TFPI: variants seen among roughly 807,000 people sequenced by gnomAD.
TFPI encodes anti-convertin.
TFPI carries 15 observed loss-of-function variants against 34.6 expected under a neutral mutation model. The ratio of observed to expected loss-of-function variants is 0.43; its 90% CI spans 0.29 to 0.67. The LOEUF (loss-of-function observed/expected upper bound fraction) is 0.67. Ranked by LOEUF, TFPI falls within the 30% of genes least tolerant of loss-of-function variation. The pLI is 0.15. For missense variants in TFPI, 301 were observed against 364.0 expected (o/e 0.83, Z 1.41); for synonymous variants, 105 against 120.1 (o/e 0.87, Z 0.82).
At chr2:187,489,993 C>T (rs1685003605) in intron 3 of TFPI, among the ~76,000 whole-genome samples, 3 of 151,534 alleles carry the variant, frequency 2.0e-5, no homozygotes, top group Admixed American at 2.0e-4. Context: ...AGACTAATTT[C>T]CATTCTAGTA....
chr2:187,474,754 T>G (rs1444836466), intron 6 of TFPI, among the ~76,000 whole-genome samples: 1 of 152,202 alleles, frequency 6.6e-6, no homozygotes, highest in African/African-American at 2.4e-5. Flanking sequence ...TCTAACATGT[T>G]ATGAAACATT....
chr2:187,494,911 C>T (rs538787797), intron 3 of TFPI, among the ~76,000 whole-genome samples: 7 of 152,070 alleles, frequency 4.6e-5, no homozygotes, highest in East Asian at 3.9e-4. Context: ...TTAGTAGGGA[C>T]GGAGTTTCAC....
At chr2:187,469,265 A>G (rs1691894369) in intron 6 of TFPI, among the ~76,000 whole-genome samples, 1 of 152,126 alleles carries the variant, frequency 6.6e-6, no homozygotes. Context: ...GAGACAGGTG[A>G]TATTTTTGTG....
At chr2:187,519,649 T>A (rs1687242214) in intron 1 of TFPI, 2 of 151,826 alleles carry the variant, frequency 1.3e-5, no homozygotes, top group Middle Eastern at 3.4e-3. Flanking sequence ...GGAGGCAGTC[T>A]GTCTCTTACC....
chr2:187,549,223 A>G (rs1490968028), intron 1 of TFPI, among the ~76,000 whole-genome samples: 1 of 152,100 alleles, frequency 6.6e-6, no homozygotes, highest in African/African-American at 2.4e-5. Context: ...GTTTGCCTCA[A>G]GTGGTGTAAA....
At chr2:187,526,418 C>T (rs1190426857) in intron 1 of TFPI, among the ~76,000 whole-genome samples, 3 of 151,446 alleles carry the variant, frequency 2.0e-5, no homozygotes, top group East Asian at 1.9e-4. Flanking sequence ...GAAAAAACCT[C>T]GAAAGGAATA....
chr2:187,526,663 A>T (rs1221838715), intron 1 of TFPI, among the ~76,000 whole-genome samples: 1 of 152,138 alleles, frequency 6.6e-6, no homozygotes, highest in Non-Finnish European at 1.5e-5. Context: ...TATGGTGCTA[A>T]CATGTATACT....
chr2:187,531,940 A>T (rs981929890), intron 1 of TFPI, among the ~76,000 whole-genome samples: 3 of 152,010 alleles, frequency 2.0e-5, no homozygotes, highest in African/African-American at 7.2e-5. Flanking sequence ...TTTTTTCAAA[A>T]TTGGAGGATT....
intron 1 of TFPI, among the ~76,000 whole-genome samples, chr2:187,533,944 A>G (rs992301272): frequency 1.3e-5 from 2 of 152,224 alleles, no homozygotes; most frequent in African/African-American, 2.4e-5. Context: ...AGCTGAATCA[A>G]TCTAGTGGAA....
At chr2:187,498,971 T>C (rs72904399) in intron 2 of TFPI, among the ~76,000 whole-genome samples, 18 of 152,146 alleles carry the variant, frequency 1.2e-4, no homozygotes, top group Non-Finnish European at 1.9e-4. Flanking sequence ...CAAAATATAA[T>C]GTTTGTGTTT....
At chr2:187,498,500 C>G (rs1559120747) in intron 2 of TFPI, among the ~76,000 whole-genome samples, 2 of 151,552 alleles carry the variant, frequency 1.3e-5, no homozygotes, top group South Asian at 4.2e-4. Context: ...TTGTAAGTAG[C>G]CTTTACAATC....
chr2:187,491,649 T>C (rs1288911589), intron 3 of TFPI, among the ~76,000 whole-genome samples: 1 of 152,186 alleles, frequency 6.6e-6, no homozygotes. Context: ...CTGTAAATAG[T>C]GCTGTGCTAA....
At chr2:187,487,089 T>C (rs986029527) in intron 4 of TFPI, among the ~76,000 whole-genome samples, 1 of 151,608 alleles carries the variant, frequency 6.6e-6, no homozygotes, top group Admixed American at 6.6e-5. Flanking sequence ...TATAGCATAA[T>C]TTTACCTAAA....
chr2:187,540,075 C>G (rs1482252342), intron 1 of TFPI, among the ~76,000 whole-genome samples: 1 of 151,520 alleles, frequency 6.6e-6, no homozygotes, highest in African/African-American at 2.4e-5. Flanking sequence ...TTTTTGTTGT[C>G]GTATTTTAGT....
intron 1 of TFPI, among the ~76,000 whole-genome samples, chr2:187,532,559 G>A (rs1032973961): frequency 2.0e-5 from 3 of 152,212 alleles, no homozygotes; most frequent in Non-Finnish European, 2.9e-5. Context: ...CAGATACAAC[G>A]CTTTCCCCAT....
intron 1 of TFPI, among the ~76,000 whole-genome samples, chr2:187,512,993 G>A: frequency 6.6e-6 from 1 of 152,160 alleles, no homozygotes; most frequent in Non-Finnish European, 1.5e-5. Context: ...TGGGCCTCCT[G>A]AATGTAAAAC....
At chr2:187,528,331 T>G (rs1053772223) in intron 1 of TFPI, among the ~76,000 whole-genome samples, 3 of 152,144 alleles carry the variant, frequency 2.0e-5, no homozygotes, top group African/African-American at 7.2e-5. Context: ...AACAAGAGAA[T>G]GTCTAAAGAG....
chr2:187,516,444 ACC>A (rs1687009012), intron 1 of TFPI: 1 of 152,194 alleles, frequency 6.6e-6, no homozygotes, highest in South Asian at 2.1e-4. Context: ...CTTGTTTGCT[ACC>A]TGTACTCCTT....
At chr2:187,526,045 A>G (rs1687660120) in intron 1 of TFPI, among the ~76,000 whole-genome samples, 1 of 152,174 alleles carries the variant, frequency 6.6e-6, no homozygotes, top group South Asian at 2.1e-4. Flanking sequence ...TAAAAGAATT[A>G]GAATAGTGAC....
Sources: gnomAD v4.1 joint callset for allele counts (sites outside exome capture counted in the v4.1 genomes callset) on GRCh38, gnomAD v4.1.1 for gene constraint, MANE v1.5 for transcripts, NCBI Gene and HGNC (gene_info 2026-07-23, HGNC 2026-07-21) for gene names.